TTC3: variants seen among roughly 807,000 people sequenced by gnomAD.
TTC3 encodes the protein tetratricopeptide repeat domain 3, also known as E3 ubiquitin-protein ligase TTC3.
In TTC3, 180 loss-of-function variants were observed where a neutral mutation model predicts 249.6. The observed-to-expected ratio is 0.72, with a 90% CI of 0.64 to 0.82. TTC3 has a LOEUF of 0.82. Ranked by LOEUF, TTC3 falls within the 40% of genes least tolerant of loss-of-function variation. The pLI, the probability that TTC3 is intolerant of heterozygous loss-of-function variation, is 0.00. For missense variants in TTC3, 2,061 were observed against 2,398.4 expected, an observed-to-expected ratio of 0.86 and a Z score of 2.94; for synonymous variants, 717 against 805.0, an observed-to-expected ratio of 0.89 and a Z score of 1.85.
At chr21:37,168,151 A>T (rs888982549) in intron 34 of TTC3, among the ~76,000 whole-genome samples, 2 of 152,190 alleles carry the variant, frequency 1.3e-5, no homozygotes, top group African/African-American at 4.8e-5. Context: ...AATTCAGGTC[A>T]CTGTCTTGAC....
At chr21:37,197,136 C>G (rs1189463635) in intron 42 of TTC3, among the ~76,000 whole-genome samples, 1 of 152,198 alleles carries the variant, frequency 6.6e-6, no homozygotes, top group Non-Finnish European at 1.5e-5. Flanking sequence ...TTACAGGCTT[C>G]AAAATTGAAA....
At chr21:37,079,772 G>C (rs771970430) in intron 1 of TTC3, among the ~76,000 whole-genome samples, 25 of 151,814 alleles carry the variant, frequency 1.6e-4, no homozygotes, top group Non-Finnish European at 3.2e-4. Context: ...GACCTCAAGT[G>C]GTCTGCCCAC....
At chr21:37,114,303 A>G (rs919106573) in intron 11 of TTC3, among the ~76,000 whole-genome samples, 2 of 152,156 alleles carry the variant, frequency 1.3e-5, no homozygotes, top group East Asian at 1.9e-4. Flanking sequence ...ACAAAGGGCT[A>G]ATATCCAGAA....
chr21:37,122,930 G>C, intron 12 of TTC3, 53 bp from the exon 13 acceptor site: 1 of 1,584,636 alleles, frequency 6.3e-7, no homozygotes. Context: ...TTTAAAGTCT[G>C]TGTTGCCAAT....
At chr21:37,123,744 A>AT (rs575866108) in intron 13 of TTC3, among the ~76,000 whole-genome samples, 3,826 of 145,552 alleles carry the variant, frequency 0.026, 59 homozygotes, top group Non-Finnish European at 0.029. Context: ...GGTCATAGGT[A>AT]TTTTTTTTTT....
intron 10 of TTC3, among the ~76,000 whole-genome samples, chr21:37,100,618 A>AC (rs1310372897): frequency 6.6e-6 from 1 of 151,964 alleles, no homozygotes; most frequent in African/African-American, 2.4e-5. Context: ...GCCTTTCAAA[A>AC]CCCCCCTGGG....
chr21:37,178,844 CA>C lies in TTC3; in HGVS notation c.4618-3929del, dbSNP rs1234299975. Among the ~76,000 whole-genome samples, 9 of 152,184 alleles carry C rather than the reference CA, an allele frequency of 5.9e-5. No individual in the cohort carries two copies. In the East Asian group the frequency reaches 1.7e-3, roughly 29 times the overall value. On this transcript the variant is annotated intron_variant, in intron 35 of 45. Coordinates refer to ENST00000355666, the Ensembl canonical transcript of TTC3. ...GCATGATAGTACGCACCTGTGGTCC[CA>C]GCTACTTGGGAGGCTGAGCTGAGAG...
At chr21:37,084,208 GAGA>G (rs2072090085) in intron 1 of TTC3, 1 of 152,254 alleles carries the variant, frequency 6.6e-6, no homozygotes, top group Non-Finnish European at 1.5e-5. Context: ...GCGGGGAATG[GAGA>G]AGAAGAACCC....
chr21:37,197,946 C>G (rs1369539196), exon 44 of TTC3: 1 of 1,614,082 alleles, frequency 6.2e-7, no homozygotes, highest in South Asian at 1.1e-5. Context: ...ACCAGGTCCT[C>G]CCAGGGCTCA....
At chr21:37,125,936 AT>A in intron 14 of TTC3, 143 bp from the exon 15 acceptor site, 1 of 641,888 alleles carries the variant, frequency 1.6e-6, no homozygotes. Context: ...TTGTTTATAC[AT>A]TTAGGCTTAA....
chr21:37,117,861 GA>G (rs1367075957), intron 11 of TTC3, among the ~76,000 whole-genome samples: 1 of 144,916 alleles, frequency 6.9e-6, no homozygotes, highest in Non-Finnish European at 1.5e-5. Context: ...AAAGAAAAAA[GA>G]AAAAAACTTT....
intron 7 of TTC3, among the ~76,000 whole-genome samples, chr21:37,092,135 G>A (rs922953794): frequency 3.3e-5 from 5 of 152,110 alleles, no homozygotes; most frequent in Admixed American, 2.6e-4. Context: ...TTTACTTTGT[G>A]AAATATTTTT....
chr21:37,095,585 T>C (rs1373009584), intron 9 of TTC3, 141 bp downstream of exon 9: 1 of 552,334 alleles, frequency 1.8e-6, no homozygotes, highest in Non-Finnish European at 3.1e-6. Context: ...CCTTGGGTGT[T>C]GGAAGCATTG....
exon 33 of TTC3, chr21:37,166,484 G>A (rs1212402526): frequency 6.2e-7 from 1 of 1,614,188 alleles, no homozygotes; most frequent in South Asian, 1.1e-5. Context: ...CACAGGTGAT[G>A]CTCATACAGT....
chr21:37,150,104 C>T, exon 24 of TTC3: 1 of 1,611,738 alleles, frequency 6.2e-7, no homozygotes, highest in Non-Finnish European at 8.5e-7. Context: ...TATGTCTTAC[C>T]CCTGACTGTG....
At chr21:37,174,505 AG>A in intron 35 of TTC3, among the ~76,000 whole-genome samples, 1 of 34,548 alleles carries the variant, frequency 2.9e-5, no homozygotes, top group South Asian at 1.1e-3. Flanking sequence ...CTTAAAACAT[AG>A]AAAGAAATGA....
intron 39 of TTC3, among the ~76,000 whole-genome samples, chr21:37,189,866 C>CGCCG (rs1416574552): frequency 7.0e-6 from 1 of 142,044 alleles, no homozygotes; most frequent in African/African-American, 2.7e-5. Flanking sequence ...TGAGCCACCA[C>CGCCG]GCCGGCCGGC....
chr21:37,200,452 C>T (rs1420371365), intron 45 of TTC3, 128 bp downstream of exon 45: 1 of 1,027,280 alleles, frequency 9.7e-7, no homozygotes, highest in Non-Finnish European at 1.4e-6. Context: ...TTGCAAACCT[C>T]CCGTGTCAGT....
At chr21:37,148,460 C>T (rs2079168630) in intron 22 of TTC3, 86 bp from the exon 23 acceptor site, 1 of 573,652 alleles carries the variant, frequency 1.7e-6, no homozygotes, top group African/African-American at 1.9e-5. Flanking sequence ...GTTAGTCAAG[C>T]TCTCTCTGTC....
Sources: gnomAD v4.1 joint callset for allele counts (sites outside exome capture counted in the v4.1 genomes callset) on GRCh38, gnomAD v4.1.1 for gene constraint, MANE v1.5 for transcripts, NCBI Gene and HGNC (gene_info 2026-07-23, HGNC 2026-07-21) for gene names.